Variants in PLA2G12A observed in about 807,000 individuals in gnomAD.
PLA2G12A encodes phospholipase A2 group XIIA, also known as group XIIA secretory phospholipase A2.
In PLA2G12A, 11 loss-of-function variants were observed where a neutral mutation model predicts 16.0. The ratio of observed to expected loss-of-function variants is 0.69; its 90% CI spans 0.43 to 1.13. The LOEUF (loss-of-function observed/expected upper bound fraction) is 1.13, where lower values mean the gene tolerates loss of function less well. Ranked by LOEUF, PLA2G12A falls within the 50% of genes most tolerant of loss-of-function variation. The pLI is 0.00. For synonymous variants in PLA2G12A, 77 were observed against 93.8 expected (o/e 0.82, Z 1.03); for missense variants, 214 against 237.3 (o/e 0.90, Z 0.65).
At chr4:109,728,792 C>T (rs1722987627) in intron 1 of PLA2G12A, among the ~76,000 whole-genome samples, 2 of 152,196 alleles carry the variant, frequency 1.3e-5, no homozygotes, top group Admixed American at 1.3e-4. Flanking sequence ...TTATTGGAAA[C>T]ATGATCTCCC....
At chr4:109,716,363 T>C (rs2126166538) in intron 3 of PLA2G12A, among the ~76,000 whole-genome samples, 1 of 152,360 alleles carries the variant, frequency 6.6e-6, no homozygotes, top group South Asian at 2.1e-4. Context: ...CATCGTTTCC[T>C]TCCTTGAAAA....
At chr4:109,725,317 C>A (rs867916562) in intron 1 of PLA2G12A, among the ~76,000 whole-genome samples, 27 of 152,226 alleles carry the variant, frequency 1.8e-4, no homozygotes, top group Middle Eastern at 6.8e-3. Flanking sequence ...TATTTCTGAA[C>A]AAGGCAAGTT....
chr4:109,723,330 A>G (rs1169027501), intron 1 of PLA2G12A, among the ~76,000 whole-genome samples: 1 of 152,160 alleles, frequency 6.6e-6, no homozygotes. Flanking sequence ...ATAAGATTCA[A>G]TCTTGTTAGT....
intron 3 of PLA2G12A, among the ~76,000 whole-genome samples, chr4:109,716,510 T>C (rs1281024047): frequency 6.6e-6 from 1 of 152,212 alleles, no homozygotes; most frequent in Non-Finnish European, 1.5e-5. Flanking sequence ...CTGATTTCAG[T>C]GTATGATATG....
rs11930714 is a variant in PLA2G12A at position 109,718,418 on chromosome 4, C to A, written c.285+265G>T. On this transcript the variant is annotated intron_variant, in intron 2 of 3. Coordinates refer to ENST00000243501, the MANE Select transcript of PLA2G12A (RefSeq NM_030821.5). ...TACTTTTTCCCTCTAAGTAGTAGCA[C>A]TTCTGTACTCCAAACTTTTCAACTA... Among the ~76,000 whole-genome samples, 828 of 152,264 alleles carry A rather than the reference C, an allele frequency of 5.4e-3. 8 individuals are homozygous for A. The highest frequency in any genetic ancestry group is 0.018 in the African/African-American group (763 of 41,542).
chr4:109,729,854 G>A lies in PLA2G12A; in HGVS notation c.-45C>T, dbSNP rs773820782. On this transcript the variant is annotated 5_prime_UTR_variant, in exon 1 of 4. Coordinates refer to ENST00000243501, the MANE Select transcript of PLA2G12A (RefSeq NM_030821.5). ...ACGGGTCCCCGAGCCGCGGCGCGGG[G>A]CGCGTCCCCACAGAGTCCCCAGGAC... 3.6e-5 allele frequency: 54 copies of A among 1,517,880 alleles called. No homozygotes were observed. Among genetic ancestry groups the A allele is most frequent in the Non-Finnish European group, 4.6e-5 (52 of 1,128,574 alleles). 94.0% of individuals were successfully genotyped at this position (1,517,880 alleles called of 1,614,324 possible).
At chr4:109,715,194 A>G (rs1380457151) in intron 3 of PLA2G12A, among the ~76,000 whole-genome samples, 2 of 152,250 alleles carry the variant, frequency 1.3e-5, no homozygotes, top group Non-Finnish European at 2.9e-5. Context: ...TTTGAAAAAC[A>G]TAATCACTAA....
Position 109,713,902 on chromosome 4 carries a change from A to G in PLA2G12A, c.*475T>C, listed in dbSNP as rs559497832. 1 of 155,474 alleles carries G rather than the reference A, an allele frequency of 6.4e-6. No homozygotes were observed. Among genetic ancestry groups the G allele is most frequent in the East Asian group, 1.9e-4 (1 of 5,340 alleles). The allele number at this position is 155,474 out of a possible 1,614,324, so 9.6% of individuals were successfully genotyped here. ...ATATTATGTGTAATTAAAATAGAAAAAAAAAGTCCGTTCCTTCTAGGCATA... is the reference window on the plus strand; with the variant it reads ...ATATTATGTGTAATTAAAATAGAAAGAAAAAGTCCGTTCCTTCTAGGCATA... On this transcript the variant is annotated 3_prime_UTR_variant, in exon 4 of 4. Coordinates refer to ENST00000243501, the MANE Select transcript of PLA2G12A (RefSeq NM_030821.5).
chr4:109,711,469 A>G lies in PLA2G12A; in HGVS notation c.*2908T>C, dbSNP rs1730728349. On this transcript the variant is annotated 3_prime_UTR_variant, in exon 4 of 4. Transcript: ENST00000243501. ...AGAAAGTAAGAAGTGCTCAAAAATC[A>G]AAAGGATGGGCACATCAAAGGGACA... 6.6e-6 allele frequency: 1 copy of G among 152,176 alleles called. No homozygotes were observed. Among genetic ancestry groups the G allele is most frequent in the African/African-American group, 2.4e-5 (1 of 41,442 alleles). 9.4% of individuals were successfully genotyped at this position (152,176 alleles called of 1,614,324 possible). A position where few individuals can be genotyped will look rare whatever the true frequency, so the allele number is the denominator to read the frequency against.
chr4:109,716,275 A>G (rs1730826195), intron 3 of PLA2G12A, among the ~76,000 whole-genome samples: 1 of 152,220 alleles, frequency 6.6e-6, no homozygotes, highest in African/African-American at 2.4e-5. Flanking sequence ...CTATTTGGAG[A>G]ATACTGTATA....
rs148646615 is a variant in PLA2G12A, at chr4:109,714,639, T to C, written c.452-144A>G. ...GAAATCACCAAACTCTCACAACCTG[T>C]AGCATATTTACATACACACATATAT... On this transcript the variant is annotated intron_variant, in intron 3 of 3. Coordinates refer to ENST00000243501, the MANE Select transcript of PLA2G12A (RefSeq NM_030821.5). 1.7e-4 allele frequency: 112 copies of C among 640,374 alleles called. 1 individual carries two copies. Among genetic ancestry groups the C allele is most frequent in the African/African-American group, 1.5e-3 (82 of 56,062 alleles). 39.7% of individuals were successfully genotyped at this position (640,374 alleles called of 1,614,324 possible).
At chr4:109,720,280 C>A (rs1185612284) in intron 1 of PLA2G12A, among the ~76,000 whole-genome samples, 2 of 151,976 alleles carry the variant, frequency 1.3e-5, no homozygotes, top group Non-Finnish European at 2.9e-5. Flanking sequence ...CAAATACAAC[C>A]CCACAGTTGG....
chr4:109,716,991 T>G (rs1730838481), intron 3 of PLA2G12A, among the ~76,000 whole-genome samples: 1 of 152,172 alleles, frequency 6.6e-6, no homozygotes, highest in East Asian at 1.9e-4. Context: ...ATGGTAAATG[T>G]GATTAGTGCT....
At chr4:109,725,248 T>A (rs1195274031) in intron 1 of PLA2G12A, among the ~76,000 whole-genome samples, 1 of 152,228 alleles carries the variant, frequency 6.6e-6, no homozygotes, top group Non-Finnish European at 1.5e-5. Flanking sequence ...AAGTAACTAG[T>A]TTCCTGAGAA....
chr4:109,720,636 T>TATAC (rs1315507294), intron 1 of PLA2G12A, among the ~76,000 whole-genome samples: 1 of 105,080 alleles, frequency 9.5e-6, no homozygotes, highest in Admixed American at 1.0e-4. Flanking sequence ...TATATATATA[T>TATAC]ATATATATGA....
chr4:109,724,412 G>A (rs1322627984), intron 1 of PLA2G12A, among the ~76,000 whole-genome samples: 1 of 151,966 alleles, frequency 6.6e-6, no homozygotes, highest in Non-Finnish European at 1.5e-5. Context: ...GTGAGCCATC[G>A]CGCCCGGCCT....
intron 3 of PLA2G12A, among the ~76,000 whole-genome samples, chr4:109,716,178 A>T (rs1484844862): frequency 6.6e-6 from 1 of 152,244 alleles, no homozygotes; most frequent in Non-Finnish European, 1.5e-5. Context: ...AGGGATACAG[A>T]GGCTGTGAAT....
chr4:109,729,709 G>A lies in PLA2G12A; in HGVS notation c.101C>T (p.Thr34Ile), dbSNP rs772451109. The change falls in exon 1 of 4, where the codon ACC becomes ATC. Residue 34 changes from threonine (T) to isoleucine (I), a missense_variant. Thr to Ile is a moderately conservative substitution (Grantham distance 89). Coordinates refer to ENST00000243501, the MANE Select transcript of PLA2G12A (RefSeq NM_030821.5). ...AACGCCGTTCCGGATGGTCTTCAGG[G>A]TGGCTCTCCAGTCGGTGGTCTGGGC... ...EQAQTTDWRATLKTIRNGVHK... is the reference protein window; with the variant it reads ...EQAQTTDWRAILKTIRNGVHK... 6 of 1,609,610 alleles carry A rather than the reference G, an allele frequency of 3.7e-6. No individual in the cohort carries two copies. The South Asian group carries it at 5.5e-5, about 15-fold the overall frequency.
At chr4:109,724,850 A>T (rs1722898166) in intron 1 of PLA2G12A, among the ~76,000 whole-genome samples, 1 of 152,230 alleles carries the variant, frequency 6.6e-6, no homozygotes, top group Non-Finnish European at 1.5e-5. Flanking sequence ...AGTAATAAAG[A>T]GCCAACATCT....
Sources: allele counts gnomAD v4.1 joint callset (sites outside exome capture counted in the v4.1 genomes callset), GRCh38; gene constraint gnomAD v4.1.1; transcripts MANE v1.5; gene names NCBI Gene and HGNC (gene_info 2026-07-23, HGNC 2026-07-21).